BUB1: variants seen among roughly 807,000 people sequenced by gnomAD.
BUB1 encodes the protein mitotic checkpoint serine/threonine-protein kinase BUB1.
Under a neutral mutation model 135.2 loss-of-function variants are expected in BUB1, and 84 were observed. The observed-to-expected ratio is 0.62, with a 90% CI of 0.52 to 0.74. The LOEUF (loss-of-function observed/expected upper bound fraction) is 0.74. Ranked by LOEUF, BUB1 falls within the 30% of genes least tolerant of loss-of-function variation. BUB1 has a pLI of 0.00. For missense variants in BUB1, 1,162 were observed against 1,288.3 expected (o/e 0.90, Z 1.50); for synonymous variants, 403 against 434.4 (o/e 0.93, Z 0.90).
intron 15 of BUB1, among the ~76,000 whole-genome samples, chr2:110,656,769 T>A (rs1376259948): frequency 6.6e-6 from 1 of 152,134 alleles, no homozygotes. Context: ...AGGAAAAAAA[T>A]TCAAAGAATT....
Position 110,658,461 on chromosome 2 carries a change from C to T in BUB1, c.1465G>A (p.Glu489Lys). ...TCATTTTGATCTAGAGATTGCCATT[C>T]ATCTTTGTCATCAGAAATATCAGGA... ...TLPDISDDKDEWQSLDQNEDA... is the reference protein window; with the variant it reads ...TLPDISDDKDKWQSLDQNEDA... Residue 489 changes from glutamate to lysine, a missense_variant, in exon 13 of 25, where the codon GAA (glutamate) becomes AAA (lysine). Transcript: ENST00000302759. The T allele has an allele frequency of 1.2e-6, 2 of 1,614,008 alleles. No individual in the cohort carries two copies. The highest frequency in any genetic ancestry group is 8.5e-7 in the Non-Finnish European group (1 of 1,179,970).
chr2:110,642,422 A>G lies in BUB1; in HGVS notation c.2348-188T>C, dbSNP rs1010077553. The G allele has an allele frequency of 5.1e-6, 2 of 391,154 alleles. 1 individual carries two copies. The highest frequency in any genetic ancestry group is 1.5e-3 in the Middle Eastern group (2 of 1,322). The allele number at this position is 391,154 out of a possible 1,614,324, so 24.2% of individuals were successfully genotyped here. A position where few individuals can be genotyped will look rare whatever the true frequency, so the allele number is the denominator to read the frequency against. On this transcript the variant is annotated intron_variant, in intron 19 of 24. Coordinates refer to ENST00000302759, the MANE Select transcript of BUB1 (RefSeq NM_004336.5). ...CAATCAACCAAAGTAGTATGCTCCT[A>G]TTAACTAAGCTCTACATCTTACTCA...
chr2:110,647,086 C>G (rs1689663659), intron 19 of BUB1, among the ~76,000 whole-genome samples: 2 of 152,154 alleles, frequency 1.3e-5, no homozygotes, highest in African/African-American at 4.8e-5. Flanking sequence ...GATGGGTTCA[C>G]TAGTGAATTC....
intron 1 of BUB1, 48 bp downstream of exon 1, chr2:110,677,922 G>A (rs1284073521): frequency 6.3e-7 from 1 of 1,586,986 alleles, no homozygotes; most frequent in Non-Finnish European, 8.6e-7. Context: ...CCGAACCCCA[G>A]GCGCCCCAGC....
At chr2:110,657,304 G>C (rs1689958515) in intron 14 of BUB1, among the ~76,000 whole-genome samples, 187 bp from the exon 15 acceptor site, 2 of 152,142 alleles carry the variant, frequency 1.3e-5, no homozygotes, top group South Asian at 4.1e-4. Context: ...TATAAAAGTA[G>C]ACCTATCATT....
intron 19 of BUB1, among the ~76,000 whole-genome samples, chr2:110,644,164 G>A (rs1369555970): frequency 2.7e-5 from 4 of 150,866 alleles, no homozygotes; most frequent in African/African-American, 9.8e-5. Flanking sequence ...GGGAATACCA[G>A]AAGGAAGAAG....
rs1446871334 is a variant in BUB1 at position 110,658,666 on chromosome 2, T to C, written c.1353A>G (p.Ala451=). The C allele has an allele frequency of 6.2e-7, 1 of 1,614,204 alleles. No individual in the cohort carries two copies. Among genetic ancestry groups the C allele is most frequent in the Non-Finnish European group, 8.5e-7 (1 of 1,180,030 alleles). The change falls in exon 12 of 25, where the codon GCA becomes GCG. Residue 451 remains alanine (A), a synonymous_variant. Coordinates refer to ENST00000302759, the MANE Select transcript of BUB1 (RefSeq NM_004336.5). The part of the protein sequence containing the change: ...TPNTSLGMVQ[A]TPSKVQPSPT... Reference sequence around the variant, plus strand: ...GTGATGGCTGCACTTTGGATGGCGTTGCCTGAACCATTCCCAGTGATGTGT... The same window carrying C: ...GTGATGGCTGCACTTTGGATGGCGTCGCCTGAACCATTCCCAGTGATGTGT...
chr2:110,672,662 T>C lies in BUB1; in HGVS notation c.421A>G (p.Arg141Gly), dbSNP rs1254389975. The C allele has an allele frequency of 2.5e-6, 4 of 1,578,254 alleles. No individual in the cohort carries two copies. The highest frequency in any genetic ancestry group is 1.9e-5 in the Admixed American group (1 of 52,374). The part of the protein sequence containing the change: ...EPREFLQQQY[R>G]LFQTRLTETH... The stretch of plus-strand genomic sequence containing the variant: ...CAGAGAGTTTGACTTTGTAACTACC[T>C]GTATTGTTGTTGCAGGAACTCTCTG... The change falls in exon 4 of 25, where the codon AGG (arginine) becomes GGG (glycine). Residue 141 changes from arginine (R) to glycine (G), a missense_variant and splice_region_variant. Arg to Gly is a moderately radical substitution (Grantham distance 125). Transcript: ENST00000302759.
chr2:110,663,619 C>T (rs555668361), intron 9 of BUB1, among the ~76,000 whole-genome samples: 1 of 152,334 alleles, frequency 6.6e-6, no homozygotes, highest in East Asian at 1.9e-4. Context: ...TTGAAGGAGG[C>T]TAGGAGCGGT....
chr2:110,659,631 A>G (rs567542507), intron 11 of BUB1, among the ~76,000 whole-genome samples: 1 of 152,218 alleles, frequency 6.6e-6, no homozygotes, highest in Non-Finnish European at 1.5e-5. Context: ...GCCTCTAACA[A>G]AGTAGTACCG....
intron 10 of BUB1, among the ~76,000 whole-genome samples, chr2:110,660,709 C>G (rs1311130680): frequency 6.6e-6 from 1 of 152,194 alleles, no homozygotes; most frequent in African/African-American, 2.4e-5. Flanking sequence ...AAGAGTTGAG[C>G]CCGGCTCCAG....
Position 110,650,698 on chromosome 2 carries a change from C to A in BUB1, c.2051G>T (p.Gly684Val). The change falls in exon 18 of 25, where the codon GGT becomes GTT. Residue 684 changes from glycine to valine, a missense_variant. Transcript: ENST00000302759. The part of the protein sequence containing the change: ...SLLRLSQPAA[G>V]GVLTCEAELG... Reference sequence around the variant, plus strand: ...CTCTGCCTCACAGGTAAGTACCCCACCTGCAGCAGGCTGGCTCAGACGAAG... The same window carrying A: ...CTCTGCCTCACAGGTAAGTACCCCAACTGCAGCAGGCTGGCTCAGACGAAG... 3 of 1,614,006 alleles carry A rather than the reference C, an allele frequency of 1.9e-6. No individual in the cohort carries two copies. The highest frequency in any genetic ancestry group is 8.5e-7 in the Non-Finnish European group (1 of 1,179,974).
chr2:110,650,133 C>T (rs1354669151), intron 18 of BUB1, among the ~76,000 whole-genome samples: 2 of 129,626 alleles, frequency 1.5e-5, no homozygotes, highest in Admixed American at 1.0e-4. Flanking sequence ...AGGATTAGAA[C>T]ATAGTCAGTC....
chr2:110,639,685 C>G, intron 24 of BUB1, 57 bp downstream of exon 24: 8 of 1,357,092 alleles, frequency 5.9e-6, no homozygotes, highest in Non-Finnish European at 8.4e-6. Flanking sequence ...CCAGATGGAA[C>G]CCAACATTCT....
At chr2:110,645,197 G>A (rs1330731203) in intron 19 of BUB1, among the ~76,000 whole-genome samples, 1 of 152,124 alleles carries the variant, frequency 6.6e-6, no homozygotes, top group Non-Finnish European at 1.5e-5. Context: ...ACTTTGGGAG[G>A]CCAAGGAAGG....
At chr2:110,663,382 A>G (rs1165998540) in intron 9 of BUB1, among the ~76,000 whole-genome samples, 1 of 152,358 alleles carries the variant, frequency 6.6e-6, no homozygotes, top group Non-Finnish European at 1.5e-5. Flanking sequence ...TCTTGTATAT[A>G]TGAAAATTTA....
chr2:110,662,728 G>C (rs1457545470), intron 9 of BUB1, among the ~76,000 whole-genome samples: 1 of 152,166 alleles, frequency 6.6e-6, no homozygotes, highest in Non-Finnish European at 1.5e-5. Context: ...CTTGAGCCTG[G>C]GAGGAGGAGG....
At position 110,652,071 on chromosome 2, in the gene BUB1, C is replaced by T. The variant is rs760417230; in HGVS notation, c.1965-1287G>A. 2.7e-4 allele frequency among the ~76,000 whole-genome samples: 41 copies of T among 152,124 alleles called. 1 individual carries two copies. Among genetic ancestry groups the T allele is most frequent in the Non-Finnish European group, 4.6e-4 (31 of 67,988 alleles). The stretch of plus-strand genomic sequence containing the variant: ...ACATATACATCCATACACACACACA[C>T]ACACACACACACACACAGTATACAG... On this transcript the variant is annotated intron_variant, in intron 17 of 24. Coordinates refer to ENST00000302759, the MANE Select transcript of BUB1 (RefSeq NM_004336.5).
intron 19 of BUB1, among the ~76,000 whole-genome samples, chr2:110,645,585 ATGTG>A (rs141013722): frequency 1.0e-4 from 15 of 146,678 alleles, no homozygotes; most frequent in East Asian, 4.1e-4. Context: ...CGTTACGTGT[ATGTG>A]TGTGTGTGTG....
Sources: gnomAD v4.1 joint callset for allele counts (sites outside exome capture counted in the v4.1 genomes callset) on GRCh38, gnomAD v4.1.1 for gene constraint, MANE v1.5 for transcripts, NCBI Gene and HGNC (gene_info 2026-07-23, HGNC 2026-07-21) for gene names.